The following PRKCQ variants were observed in gnomAD, a reference collection of about 807,000 sequenced individuals.
The protein encoded by PRKCQ is protein kinase C theta type.
In PRKCQ, 41 loss-of-function variants were observed where a neutral mutation model predicts 91.2. The observed-to-expected ratio is 0.45, with a 90% CI of 0.35 to 0.58. The LOEUF (loss-of-function observed/expected upper bound fraction) is 0.58, where lower values mean the gene tolerates loss of function less well. Ranked by LOEUF, PRKCQ falls within the 20% of genes least tolerant of loss-of-function variation. The pLI, the probability that PRKCQ is intolerant of heterozygous loss-of-function variation, is 0.00. For missense variants in PRKCQ, 673 were observed against 896.5 expected (o/e 0.75, Z 3.18); for synonymous variants, 307 against 316.9 (o/e 0.97, Z 0.33).
At chr10:6,478,907 C>T (rs556817669) in intron 12 of PRKCQ, 85 bp downstream of exon 12, 64 of 1,453,244 alleles carry the variant, frequency 4.4e-5, no homozygotes, top group Middle Eastern at 1.9e-4. Context: ...GGCAATGACT[C>T]GTGTCTCCTA....
intron 1 of PRKCQ, among the ~76,000 whole-genome samples, chr10:6,533,354 T>A (rs1002388278): frequency 6.6e-6 from 1 of 152,162 alleles, no homozygotes; most frequent in African/African-American, 2.4e-5. Flanking sequence ...CCCACCATCA[T>A]GCCTGGCTAA....
intron 1 of PRKCQ, among the ~76,000 whole-genome samples, chr10:6,575,749 T>C (rs1841205382): frequency 6.6e-6 from 1 of 152,140 alleles, no homozygotes; most frequent in South Asian, 2.1e-4. Flanking sequence ...ATAAAGAAGA[T>C]TTTTAAAAAA....
chr10:6,429,317 CA>C (rs1833287698), intron 17 of PRKCQ, among the ~76,000 whole-genome samples: 1 of 152,170 alleles, frequency 6.6e-6, no homozygotes, highest in Non-Finnish European at 1.5e-5. Flanking sequence ...TAGCTAAAAA[CA>C]AGGTAAAATT....
Position 6,456,764 on chromosome 10 carries a change from C to G in PRKCQ, c.1557G>C (p.Lys519Asn). The change falls in exon 15 of 18, where the codon AAG becomes AAC. Residue 519 changes from lysine to asparagine, a missense_variant. Lys to Asn is a moderately conservative substitution (Grantham distance 94, BLOSUM62 0). Transcript: ENST00000263125. ...NILLDKDGHI[K>N]IADFGMCKEN... ...CCTTGCACATTCCAAAATCCGCGAT[C>G]TTGATATGTCCATCTTTGTCTAACA... 6.2e-7 allele frequency: 1 copy of G among 1,614,156 alleles called. No individual in the cohort carries two copies. The highest frequency in any genetic ancestry group is 8.5e-7 in the Non-Finnish European group (1 of 1,180,000).
At chr10:6,491,900 G>C in intron 7 of PRKCQ, 88 bp from the exon 8 acceptor site, 1 of 1,538,376 alleles carries the variant, frequency 6.5e-7, no homozygotes, top group East Asian at 2.3e-5. Context: ...AACTAACAGA[G>C]ATCATAATGA....
At chr10:6,518,127 G>C (rs974184165) in intron 1 of PRKCQ, among the ~76,000 whole-genome samples, 1 of 152,130 alleles carries the variant, frequency 6.6e-6, no homozygotes, top group Non-Finnish European at 1.5e-5. Context: ...GGTCACAGAA[G>C]TCTAGACTTA....
At chr10:6,521,979 G>C (rs1839032095) in intron 1 of PRKCQ, among the ~76,000 whole-genome samples, 1 of 151,798 alleles carries the variant, frequency 6.6e-6, no homozygotes, top group African/African-American at 2.4e-5. Flanking sequence ...GTCTCGCCCT[G>C]TTGCCCAGGC....
the PRKCQ span, among the ~76,000 whole-genome samples, chr10:6,418,899 TACTCATC>T: frequency 2.0e-5 from 3 of 151,542 alleles, no homozygotes. Context: ...ATCCATCTAT[TACTCATC>T]CATCCATCTG....
rs771135605 is a variant in PRKCQ at position 6,479,070 on chromosome 10, C to T, written c.1275G>A (p.Thr425=). 10 of 1,614,086 alleles carry T rather than the reference C, an allele frequency of 6.2e-6. No individual in the cohort carries two copies. Among genetic ancestry groups the T allele is most frequent in the African/African-American group, 5.3e-5 (4 of 74,942 alleles). ...AGGAAAGAACTCTCTTCTCTACCAT[C>T]GTGCACTCAACATCATCGTCCATCA... ...VVLMDDDVEC[T]MVEKRVLSLA... is the part of the protein sequence containing the mutation. Residue 425 remains threonine, a synonymous_variant, in exon 12 of 18, where the codon ACG becomes ACA. Transcript: ENST00000263125.
At position 6,529,795 on chromosome 10, in the gene PRKCQ, T is replaced by C. The variant is rs144060607; in HGVS notation, c.-9-14651A>G. Among the ~76,000 whole-genome samples, 539 of 152,346 alleles carry C rather than the reference T, an allele frequency of 3.5e-3. 4 individuals are homozygous for C. The highest frequency in any genetic ancestry group is 4.1e-3 in the Non-Finnish European group (277 of 68,038). The stretch of plus-strand genomic sequence containing the variant: ...AATGGACCCACTTCATCAGGGTCTA[T>C]GAAGGATTGGGTCTATGTCTGTGTT... On this transcript the variant is annotated intron_variant, in intron 1 of 17. Transcript: ENST00000263125.
rs549244375 is a variant in PRKCQ, at chr10:6,471,495, C to T, written c.1354-7091G>A. Among the ~76,000 whole-genome samples the T allele has an allele frequency of 1.2e-4, 19 of 152,280 alleles. No individual in the cohort carries two copies. In the East Asian group the frequency reaches 3.5e-3, roughly 28 times the overall value. ...TGGTGGCTCATGCCTGTGATCCCAG[C>T]ACTTTGGGAGGCCGAGGTGGGTGGA... is the stretch of plus-strand genomic sequence containing the variant. On this transcript the variant is annotated intron_variant, in intron 12 of 17. Transcript: ENST00000263125.
rs114773973 is a variant in PRKCQ at position 6,561,179 on chromosome 10, T to C, written c.-10+19032A>G. 9.3e-3 allele frequency among the ~76,000 whole-genome samples: 1,410 copies of C among 151,850 alleles called. 20 individuals are homozygous for C. The highest frequency in any genetic ancestry group is 0.031 in the African/African-American group (1,295 of 41,362). On this transcript the variant is annotated intron_variant, in intron 1 of 17. Transcript: ENST00000263125. ...TGAGTCCAAGGGTTTGAGGCTAGCCTGGGCAACACAGCGAAACTGTGTCTC... is the reference window on the plus strand; with the variant it reads ...TGAGTCCAAGGGTTTGAGGCTAGCCCGGGCAACACAGCGAAACTGTGTCTC...
chr10:6,401,709 T>C, the PRKCQ span, among the ~76,000 whole-genome samples: 25 of 152,342 alleles, frequency 1.6e-4, no homozygotes, highest in East Asian at 4.8e-3. Context: ...TCACGCTGTC[T>C]GCTGGGAGCT....
the PRKCQ span, among the ~76,000 whole-genome samples, chr10:6,404,331 T>TA: frequency 1.3e-5 from 2 of 149,138 alleles, no homozygotes; most frequent in Admixed American, 6.7e-5. Flanking sequence ...AATGTTCAGA[T>TA]AAAAAACCCT....
the PRKCQ span, among the ~76,000 whole-genome samples, chr10:6,402,186 C>T: frequency 4.0e-5 from 6 of 151,668 alleles, no homozygotes; most frequent in African/African-American, 1.5e-4. Flanking sequence ...CATCACACAC[C>T]GGGGCCTGTT....
At chr10:6,441,731 A>G (rs1002859568) in intron 16 of PRKCQ, among the ~76,000 whole-genome samples, 162 bp downstream of exon 16, 1 of 152,198 alleles carries the variant, frequency 6.6e-6, no homozygotes, top group South Asian at 2.1e-4. Context: ...TGCTCATAAT[A>G]TTGGTGCCTC....
At chr10:6,483,294 CTATT>C in intron 11 of PRKCQ, 142 bp downstream of exon 11, 3 of 1,047,654 alleles carry the variant, frequency 2.9e-6, no homozygotes, top group Non-Finnish European at 4.2e-6. Context: ...CTCGGGGTCC[CTATT>C]TATTCAGCGC....
chr10:6,553,512 A>AAAAAAT (rs1554782547), intron 1 of PRKCQ, among the ~76,000 whole-genome samples: 10,694 of 140,636 alleles, frequency 0.076, 693 homozygotes, highest in African/African-American at 0.091. Flanking sequence ...AAAAAAAAAA[A>AAAAAAT]AAAAACAAAC....
At chr10:6,395,056 C>CTTTTTT in the PRKCQ span, among the ~76,000 whole-genome samples, 19 of 66,992 alleles carry the variant, frequency 2.8e-4, 1 homozygote, top group Non-Finnish European at 3.9e-4. Context: ...AAGCTGGAGT[C>CTTTTTT]TTTTTTTTTT....
Sources: gnomAD v4.1 joint callset for allele counts (sites outside exome capture counted in the v4.1 genomes callset) on GRCh38, gnomAD v4.1.1 for gene constraint, MANE v1.5 for transcripts, NCBI Gene and HGNC (gene_info 2026-07-23, HGNC 2026-07-21) for gene names.